The following SHLD1 variants were observed in gnomAD, a reference collection of about 807,000 sequenced individuals.
SHLD1 encodes the protein RINN1-REV7-interacting novel NHEJ regulator 3.
A neutral mutation model predicts 5.5 loss-of-function variants in SHLD1; 3 were observed. The ratio of observed to expected loss-of-function variants is 0.54; its 90% confidence interval spans 0.25 to 1.40. The LOEUF is 1.40. SHLD1 is among the 40% of genes most tolerant of loss of function. The probability of loss-of-function intolerance (pLI) is 0.15; values close to 1 mark genes in which losing one functional copy is unlikely to be tolerated. For missense variants in SHLD1, 210 were observed against 244.4 expected (o/e 0.86, Z 0.94); for synonymous variants, 92 against 94.3 (o/e 0.98, Z 0.14).
chr20:5,806,114 G>A lies in SHLD1; in HGVS notation c.178+33071G>A, dbSNP rs1196568699. 2.0e-5 allele frequency among the ~76,000 whole-genome samples: 3 copies of A among 152,120 alleles called. No homozygotes were observed. The highest frequency in any genetic ancestry group is 2.9e-5 in the Non-Finnish European group (2 of 68,020). ...TCCTGGGTTCAAGTGATTCTCCTGCGTCAGCCTCCCAAAATGTTGGGATAA... is the reference window on the plus strand; with the variant it reads ...TCCTGGGTTCAAGTGATTCTCCTGCATCAGCCTCCCAAAATGTTGGGATAA... On this transcript the variant is annotated intron_variant, in intron 2 of 2. Transcript: ENST00000303142. This position sits in a 1 kb window ranked among gnomAD's most constrained non-coding sequence, Gnocchi z 7.6.
chr20:5,799,214 A>C (rs2087255734), intron 2 of SHLD1, among the ~76,000 whole-genome samples: 1 of 151,766 alleles, frequency 6.6e-6, no homozygotes, highest in Admixed American at 6.6e-5. Context: ...GAAAAAAAAA[A>C]AAATTAAAGG....
chr20:5,856,136 T>A (rs1276151654), intron 2 of SHLD1, among the ~76,000 whole-genome samples: 1 of 152,250 alleles, frequency 6.6e-6, no homozygotes, highest in East Asian at 1.9e-4. Flanking sequence ...TGGGGCTTGC[T>A]TGTTAGGCAG....
At chr20:5,846,678 T>G (rs1203145451) in intron 2 of SHLD1, among the ~76,000 whole-genome samples, 4 of 152,220 alleles carry the variant, frequency 2.6e-5, no homozygotes, top group Non-Finnish European at 4.4e-5. Flanking sequence ...CTGGTTCTCT[T>G]GTCTGACAGC....
intron 2 of SHLD1, among the ~76,000 whole-genome samples, chr20:5,801,567 A>G (rs2087294889): frequency 6.6e-6 from 1 of 152,154 alleles, no homozygotes; most frequent in South Asian, 2.1e-4. Flanking sequence ...AGAGGGGAGA[A>G]TGGAAAATGT....
chr20:5,849,564 C>A (rs1236110727), intron 2 of SHLD1, among the ~76,000 whole-genome samples: 1 of 152,226 alleles, frequency 6.6e-6, no homozygotes, highest in Non-Finnish European at 1.5e-5. Context: ...ATCAGCCCCA[C>A]TCCTCCAGCA....
intron 2 of SHLD1, among the ~76,000 whole-genome samples, chr20:5,796,486 G>A (rs927119324): frequency 2.0e-5 from 3 of 152,018 alleles, no homozygotes; most frequent in East Asian, 1.9e-4. Flanking sequence ...AACCCATAGC[G>A]AATTCCCTAA....
At chr20:5,832,838 A>C (rs73596139) in intron 2 of SHLD1, among the ~76,000 whole-genome samples, 53,716 of 147,784 alleles carry the variant, frequency 0.36, 11,799 homozygotes, top group Non-Finnish European at 0.5. Flanking sequence ...TAAATAAATA[A>C]ATAAATAAAT....
At chr20:5,822,842 G>C (rs903604449) in intron 2 of SHLD1, among the ~76,000 whole-genome samples, 2 of 151,808 alleles carry the variant, frequency 1.3e-5, no homozygotes, top group African/African-American at 4.8e-5. Flanking sequence ...CATGACCCCA[G>C]GTTCCTCTTT....
intron 2 of SHLD1, among the ~76,000 whole-genome samples, chr20:5,808,048 A>G (rs1415953920): frequency 6.6e-6 from 1 of 152,182 alleles, no homozygotes; most frequent in Non-Finnish European, 1.5e-5. Context: ...TTGGGAGGCC[A>G]GGGTGGGCAG....
At chr20:5,786,280 A>G (rs1215214023) in intron 2 of SHLD1, among the ~76,000 whole-genome samples, 1 of 152,326 alleles carries the variant, frequency 6.6e-6, no homozygotes, top group Admixed American at 6.5e-5. Flanking sequence ...AAACTTGGCC[A>G]TAAAGAAATT....
chr20:5,793,215 C>CA (rs1193520951), intron 2 of SHLD1, among the ~76,000 whole-genome samples: 1 of 151,664 alleles, frequency 6.6e-6, no homozygotes, highest in East Asian at 1.9e-4. Context: ...GGTCCTCCAA[C>CA]TTTTTTTTTC....
chr20:5,784,852 C>T (rs1339575246), intron 2 of SHLD1, among the ~76,000 whole-genome samples: 1 of 152,144 alleles, frequency 6.6e-6, no homozygotes, highest in Non-Finnish European at 1.5e-5. Context: ...GGGGAAGAGG[C>T]TTATTTACTT....
At chr20:5,801,071 C>CTTTTTT (rs67798135) in intron 2 of SHLD1, among the ~76,000 whole-genome samples, 7 of 121,940 alleles carry the variant, frequency 5.7e-5, no homozygotes, top group African/African-American at 8.7e-5. Flanking sequence ...CAGCCACCAT[C>CTTTTTT]TTTTTTTTTT....
chr20:5,844,799 A>ATATTTTT (rs1460082835), intron 2 of SHLD1, among the ~76,000 whole-genome samples: 149 of 71,696 alleles, frequency 2.1e-3, no homozygotes, highest in East Asian at 0.011. Context: ...ATATATATAT[A>ATATTTTT]TTTTTTTTTT....
chr20:5,774,204 A>G (rs983603203), intron 2 of SHLD1, among the ~76,000 whole-genome samples: 3 of 152,142 alleles, frequency 2.0e-5, no homozygotes, highest in Non-Finnish European at 4.4e-5. Flanking sequence ...ACTCTGTCTC[A>G]AAACAAAAAA....
At chr20:5,843,207 G>A (rs544427553) in intron 2 of SHLD1, among the ~76,000 whole-genome samples, 1 of 152,182 alleles carries the variant, frequency 6.6e-6, no homozygotes, top group Admixed American at 6.5e-5. Context: ...AAAATAAATA[G>A]CTGGCTTAGA....
chr20:5,852,018 C>T (rs986929360), intron 2 of SHLD1, among the ~76,000 whole-genome samples: 4 of 151,938 alleles, frequency 2.6e-5, no homozygotes, highest in Admixed American at 6.6e-5. Context: ...CCCACTCTCT[C>T]TCTTGCTCCT....
intron 2 of SHLD1, among the ~76,000 whole-genome samples, chr20:5,843,159 A>T (rs1272515087): frequency 6.6e-6 from 1 of 152,166 alleles, no homozygotes; most frequent in Non-Finnish European, 1.5e-5. Flanking sequence ...GCTTGCTTTC[A>T]CTAGACATAT....
chr20:5,817,018 G>C (rs1314912995), intron 2 of SHLD1, among the ~76,000 whole-genome samples: 1 of 152,142 alleles, frequency 6.6e-6, no homozygotes, highest in African/African-American at 2.4e-5. Flanking sequence ...ACAGTGAGCC[G>C]AGATTGTGCC....
Sources: gnomAD v4.1 joint callset for allele counts (sites outside exome capture counted in the v4.1 genomes callset) on GRCh38, gnomAD v4.1.1 for gene constraint, Gnocchi (gnomAD v3.1) non-coding constraint, MANE v1.5 for transcripts, NCBI Gene and HGNC (gene_info 2026-07-23, HGNC 2026-07-21) for gene names.